Variants in GALNT7 observed in about 807,000 individuals in gnomAD.
The protein encoded by GALNT7 is N-acetylgalactosaminyltransferase 7.
GALNT7 carries 60 observed loss-of-function variants against 82.1 expected under a neutral mutation model. The observed-to-expected ratio is 0.73, with a 90% confidence interval of 0.59 to 0.91. GALNT7 has a LOEUF of 0.91. Among genes scored for constraint, GALNT7 ranks in the 40% least tolerant of loss-of-function variants. The probability of loss-of-function intolerance (pLI) is 0.00; values close to 1 mark genes in which losing one functional copy is unlikely to be tolerated. For synonymous variants in GALNT7, 243 were observed against 275.1 expected (o/e 0.88, Z 1.15); for missense variants, 660 against 804.2 (o/e 0.82, Z 2.17).
At position 173,174,376 on chromosome 4, in the gene GALNT7, T is replaced by A. The variant is rs540326418; in HGVS notation, c.126+5415T>A. 5.3e-5 allele frequency among the ~76,000 whole-genome samples: 8 copies of A among 152,366 alleles called. No homozygotes were observed. In the South Asian group the frequency reaches 1.7e-3, roughly 32 times the overall value. On this transcript the variant is annotated intron_variant, in intron 1 of 11. Coordinates refer to ENST00000265000, the MANE Select transcript of GALNT7 (RefSeq NM_017423.3). ...CTTTGAAGGCAGGGTTCATGTTTCC[T>A]GTTTGTTGAGTATTTCCTCCATCTT...
rs1225152201 is a variant in GALNT7, at chr4:173,183,047, C to T, written c.126+14086C>T. On this transcript the variant is annotated intron_variant, in intron 1 of 11. Transcript: ENST00000265000. ...TACTCATAATCCACACACATAAACA[C>T]ACACACACACACACACACACACACA... is the stretch of plus-strand genomic sequence containing the variant. 1.9e-4 allele frequency among the ~76,000 whole-genome samples: 7 copies of T among 37,496 alleles called. No homozygotes were observed. The East Asian group carries it at 2.9e-3, about 16-fold the overall frequency. 24.6% of individuals were successfully genotyped at this position (37,496 alleles called of 152,430 possible).
intron 1 of GALNT7, among the ~76,000 whole-genome samples, chr4:173,199,984 T>G (rs1216639428): frequency 2.6e-5 from 4 of 152,224 alleles, no homozygotes; most frequent in African/African-American, 9.6e-5. Context: ...ATTATTGATC[T>G]CTAATTCTTA....
chr4:173,240,493 C>T (rs1011685137), intron 1 of GALNT7, among the ~76,000 whole-genome samples: 3 of 151,454 alleles, frequency 2.0e-5, no homozygotes, highest in African/African-American at 4.9e-5. Flanking sequence ...CTAGGCCTCC[C>T]GAGTAGCTGG....
chr4:173,247,847 A>C (rs1734698059), intron 1 of GALNT7, 133 bp from the exon 2 acceptor site: 2 of 599,728 alleles, frequency 3.3e-6, no homozygotes, highest in Non-Finnish European at 5.9e-6. Flanking sequence ...AGTCCTGATT[A>C]ATGGCCCGCT....
In GALNT7 at chr4:173,322,953, A is replaced by G. The variant is rs1737875194; in HGVS notation, c.*1236A>G. On this transcript the variant is annotated 3_prime_UTR_variant, in exon 12 of 12. Coordinates refer to ENST00000265000, the MANE Select transcript of GALNT7 (RefSeq NM_017423.3). ...CCCTAGTGTTTCTTAATTTCTTTTT[A>G]GAAAGTGTATTTTTATTAGTATTTT... The G allele has an allele frequency of 6.6e-6, 1 of 152,166 alleles. No individual in the cohort carries two copies. Among genetic ancestry groups the G allele is most frequent in the Non-Finnish European group, 1.5e-5 (1 of 68,016 alleles). The allele number at this position is 152,166 out of a possible 1,614,324, so 9.4% of individuals were successfully genotyped here.
chr4:173,275,715 G>C (rs1735883614), intron 2 of GALNT7, among the ~76,000 whole-genome samples: 1 of 152,178 alleles, frequency 6.6e-6, no homozygotes, highest in Non-Finnish European at 1.5e-5. Flanking sequence ...ATTTAGACAT[G>C]AAATAAATCT....
chr4:173,168,983 C>A (rs376261216), intron 1 of GALNT7, 22 bp downstream of exon 1: 4 of 1,608,228 alleles, frequency 2.5e-6, no homozygotes, highest in Non-Finnish European at 3.4e-6. Flanking sequence ...GCCCGGCCCC[C>A]TCCGGCGGCA....
intron 1 of GALNT7, among the ~76,000 whole-genome samples, chr4:173,172,454 G>T (rs181210254): frequency 1.4e-3 from 220 of 152,274 alleles, no homozygotes; most frequent in African/African-American, 5.2e-3. Flanking sequence ...AGATCTTAGT[G>T]GGAACCTGCT....
intron 1 of GALNT7, among the ~76,000 whole-genome samples, chr4:173,230,551 A>T (rs1349445657): frequency 1.3e-5 from 2 of 152,228 alleles, no homozygotes; most frequent in East Asian, 3.8e-4. Flanking sequence ...TAATATGAGT[A>T]TAATCTGTTT....
intron 2 of GALNT7, among the ~76,000 whole-genome samples, chr4:173,266,801 G>A (rs1232167266): frequency 6.6e-6 from 1 of 151,488 alleles, no homozygotes; most frequent in Non-Finnish European, 1.5e-5. Flanking sequence ...TCTCACTCAC[G>A]TGGAAGCTAA....
In GALNT7 at chr4:173,289,360, C is replaced by A. The variant is rs183668503; in HGVS notation, c.588-2748C>A. 3.2e-3 allele frequency among the ~76,000 whole-genome samples: 493 copies of A among 152,216 alleles called. 4 individuals carry two copies. Among genetic ancestry groups the A allele is most frequent in the African/African-American group, 0.011 (447 of 41,518 alleles). ...ACTAGTACCTGGCTTCTTTGTCCTG[C>A]GTCCAAGAAAATTGAGCATGGACAC... On this transcript the variant is annotated intron_variant, in intron 2 of 11. Transcript: ENST00000265000.
chr4:173,272,369 TAA>T (rs2126790929), intron 2 of GALNT7, among the ~76,000 whole-genome samples: 1 of 152,332 alleles, frequency 6.6e-6, no homozygotes, highest in East Asian at 1.9e-4. Flanking sequence ...TCACATGAGT[TAA>T]GTCATTGGGT....
rs139341598 is a variant in GALNT7, at chr4:173,302,572, A to G, written c.1266+408A>G. ...TTCAAGACAGAAGCAGAGCCCCACA[A>G]TGACTGTATCCTCAGGCTGACTTTG... On this transcript the variant is annotated intron_variant, in intron 7 of 11. Transcript: ENST00000265000. This position sits in a 1 kb window ranked among gnomAD's most constrained non-coding sequence, Gnocchi z 4.2. Among the ~76,000 whole-genome samples, 2 of 152,310 alleles carry G rather than the reference A, an allele frequency of 1.3e-5. No individual in the cohort carries two copies. The highest frequency in any genetic ancestry group is 4.8e-5 in the African/African-American group (2 of 41,576).
At chr4:173,224,908 G>A (rs1006220266) in intron 1 of GALNT7, among the ~76,000 whole-genome samples, 5 of 151,674 alleles carry the variant, frequency 3.3e-5, no homozygotes, top group African/African-American at 9.7e-5. Context: ...CCAGCTACTC[G>A]GGAGGCTGAG....
At chr4:173,178,052 T>TGTGTGTGCGCGC (rs563102408) in intron 1 of GALNT7, among the ~76,000 whole-genome samples, 13 of 129,516 alleles carry the variant, frequency 1.0e-4, no homozygotes, top group East Asian at 4.7e-4. Flanking sequence ...TGTGTGTGTG[T>TGTGTGTGCGCGC]GCGCGCACGC....
At chr4:173,256,787 G>A (rs1735055039) in intron 2 of GALNT7, among the ~76,000 whole-genome samples, 1 of 152,116 alleles carries the variant, frequency 6.6e-6, no homozygotes, top group African/African-American at 2.4e-5. Flanking sequence ...GGAAGAATGG[G>A]AGATATTTTC....
chr4:173,318,329 T>G, intron 10 of GALNT7, 102 bp from the exon 11 acceptor site: 3 of 815,700 alleles, frequency 3.7e-6, no homozygotes, highest in Non-Finnish European at 5.9e-6. Context: ...AAAAATAAGT[T>G]AGTCATTCAA....
chr4:173,309,630 C>T (rs1215543275), intron 8 of GALNT7, among the ~76,000 whole-genome samples: 1 of 152,178 alleles, frequency 6.6e-6, no homozygotes, highest in African/African-American at 2.4e-5. Context: ...TCTGATGCCC[C>T]TCATTTTCTG....
At chr4:173,297,923 T>C (rs1222312918) in intron 5 of GALNT7, 192 bp from the exon 6 acceptor site, 2 of 1,497,146 alleles carry the variant, frequency 1.3e-6, no homozygotes, top group Non-Finnish European at 1.8e-6. Flanking sequence ...TGGAAACGTA[T>C]TCCTCTAAGC....
Sources: gnomAD v4.1 joint callset for allele counts (sites outside exome capture counted in the v4.1 genomes callset) on GRCh38, gnomAD v4.1.1 for gene constraint, Gnocchi (gnomAD v3.1) non-coding constraint, MANE v1.5 for transcripts, NCBI Gene and HGNC (gene_info 2026-07-23, HGNC 2026-07-21) for gene names.